The following APBA2 variants were observed in gnomAD, a reference collection of about 807,000 sequenced individuals.
APBA2 encodes the protein amyloid beta precursor protein binding family A member 2.
Under a neutral mutation model 75.0 loss-of-function variants are expected in APBA2, and 30 were observed. That is an observed-to-expected ratio of 0.40 (90% CI 0.30 to 0.54). APBA2 has a LOEUF of 0.54. Ranked by LOEUF, APBA2 falls within the 20% of genes least tolerant of loss-of-function variation. APBA2 has a pLI of 0.49. For missense variants in APBA2, 801 were observed against 1,016.1 expected (o/e 0.79, Z 2.88); for synonymous variants, 444 against 409.6 (o/e 1.08, Z -1.01).
intron 2 of APBA2, among the ~76,000 whole-genome samples, chr15:28,969,325 C>A (rs2036938619): frequency 2.6e-5 from 4 of 151,976 alleles, no homozygotes; most frequent in South Asian, 2.1e-4. Context: ...GGATTACATG[C>A]ATGCACCACC....
At chr15:29,037,909 C>T (rs980754840) in intron 3 of APBA2, among the ~76,000 whole-genome samples, 3 of 152,162 alleles carry the variant, frequency 2.0e-5, no homozygotes, top group Non-Finnish European at 4.4e-5. Flanking sequence ...CCATTCCTGA[C>T]GGCAGAGTCC....
At chr15:28,947,742 C>G (rs552361940) in intron 2 of APBA2, among the ~76,000 whole-genome samples, 2 of 152,322 alleles carry the variant, frequency 1.3e-5, no homozygotes, top group African/African-American at 4.8e-5. Flanking sequence ...CCTCTAGAGA[C>G]TCAAACCACC....
chr15:28,934,962 G>A (rs1463275153), intron 2 of APBA2, among the ~76,000 whole-genome samples: 3 of 152,210 alleles, frequency 2.0e-5, no homozygotes, highest in African/African-American at 7.2e-5. Context: ...GCGTGCTTAT[G>A]AAATGAGGGC....
At chr15:28,992,336 C>T (rs990990067) in intron 2 of APBA2, among the ~76,000 whole-genome samples, 1 of 152,152 alleles carries the variant, frequency 6.6e-6, no homozygotes, top group Non-Finnish European at 1.5e-5. Flanking sequence ...ATGTATGAAT[C>T]GTCTTCTTTA....
chr15:28,992,285 TC>T (rs1405986583), intron 2 of APBA2, among the ~76,000 whole-genome samples: 1 of 152,190 alleles, frequency 6.6e-6, no homozygotes, highest in Non-Finnish European at 1.5e-5. Context: ...TTGGACCCCC[TC>T]ACCAACTCCT....
At chr15:29,015,216 A>AGAGGC (rs1005581547) in intron 3 of APBA2, among the ~76,000 whole-genome samples, 68 of 152,312 alleles carry the variant, frequency 4.5e-4, no homozygotes, top group African/African-American at 1.6e-3. Context: ...GTTGGAGCTG[A>AGAGGC]GAGGCATGCT....
At chr15:28,943,512 T>G (rs563580083) in intron 2 of APBA2, among the ~76,000 whole-genome samples, 1 of 152,294 alleles carries the variant, frequency 6.6e-6, no homozygotes, top group South Asian at 2.1e-4. Context: ...GTTAATCCTG[T>G]TCGGTGGGTT....
chr15:29,001,196 GTTTCTT>G (rs2038825332), intron 3 of APBA2, among the ~76,000 whole-genome samples: 1 of 151,906 alleles, frequency 6.6e-6, no homozygotes, highest in Non-Finnish European at 1.5e-5. Flanking sequence ...CATAGCTCTA[GTTTCTT>G]ATTTTTATTT....
intron 1 of APBA2, 146 bp downstream of exon 1, chr15:28,886,424 G>T (rs1279250056): frequency 1.3e-5 from 2 of 151,098 alleles, no homozygotes; most frequent in Non-Finnish European, 3.0e-5. Flanking sequence ...ACTCAGCGTG[G>T]CTGCGGGGCG....
rs1322963758 is a variant in APBA2, at chr15:28,984,936, T to TCC, written c.-94-10815_-94-10814dup. Among the ~76,000 whole-genome samples, 126 of 148,810 alleles carry TCC rather than the reference T, an allele frequency of 8.5e-4. 1 individual carries two copies. The highest frequency in any genetic ancestry group is 7.5e-4 in the Non-Finnish European group (51 of 67,806). On this transcript the variant is annotated intron_variant, in intron 2 of 14. Coordinates refer to ENST00000683413, the MANE Select transcript of APBA2 (RefSeq NM_001353788.2). ...TGCTCTCTCTCTCTCTCTCTCTCTC[T>TCC]CCCTCTCTCCCCCTCCGCCAACCAC...
At chr15:28,973,952 G>A (rs1173292026) in intron 2 of APBA2, among the ~76,000 whole-genome samples, 1 of 152,138 alleles carries the variant, frequency 6.6e-6, no homozygotes, top group Non-Finnish European at 1.5e-5. Context: ...AATACACACG[G>A]TCAATATAAC....
At chr15:29,067,788 A>G (rs1022985632) in intron 4 of APBA2, among the ~76,000 whole-genome samples, 4 of 152,148 alleles carry the variant, frequency 2.6e-5, no homozygotes, top group African/African-American at 9.7e-5. Context: ...TTCTTTATAG[A>G]TCATCTGGTG....
At chr15:29,045,699 G>T (rs1360995906) in intron 3 of APBA2, among the ~76,000 whole-genome samples, 1 of 152,152 alleles carries the variant, frequency 6.6e-6, no homozygotes, top group Non-Finnish European at 1.5e-5. Flanking sequence ...ACAGATAAAA[G>T]ACTGGAAAGA....
intron 2 of APBA2, among the ~76,000 whole-genome samples, chr15:28,937,766 C>T (rs911591061): frequency 7.2e-5 from 11 of 152,044 alleles, no homozygotes; most frequent in African/African-American, 2.7e-4. Flanking sequence ...ACGCCATTCT[C>T]CTGCCTCAGC....
intron 3 of APBA2, among the ~76,000 whole-genome samples, chr15:29,036,667 T>C (rs4779708): frequency 2.0e-3 from 310 of 152,338 alleles, no homozygotes; most frequent in African/African-American, 7.0e-3. Flanking sequence ...TTACATCATC[T>C]CCTGCTGAAC....
intron 2 of APBA2, among the ~76,000 whole-genome samples, chr15:28,972,530 G>A (rs2037119900): frequency 6.6e-6 from 1 of 152,208 alleles, no homozygotes; most frequent in Non-Finnish European, 1.5e-5. Flanking sequence ...TCTGGTGTCA[G>A]ACTTATAACA....
intron 2 of APBA2, among the ~76,000 whole-genome samples, chr15:28,965,784 T>G (rs2036707252): frequency 6.6e-6 from 1 of 152,204 alleles, no homozygotes; most frequent in South Asian, 2.1e-4. Context: ...GTTATTAGTG[T>G]ATAGACATGC....
intron 2 of APBA2, among the ~76,000 whole-genome samples, chr15:28,963,017 A>G (rs1450761774): frequency 6.6e-6 from 1 of 152,160 alleles, no homozygotes; most frequent in Non-Finnish European, 1.5e-5. Context: ...TCCAGGGCTG[A>G]AAACTCTGGG....
At chr15:28,915,236 CCATATAT>C (rs2033631611) in intron 1 of APBA2, among the ~76,000 whole-genome samples, 9 of 152,200 alleles carry the variant, frequency 5.9e-5, no homozygotes, top group East Asian at 5.8e-4. Context: ...CACACATACC[CCATATAT>C]ACCACACACC....
Sources: gnomAD v4.1 joint callset for allele counts (sites outside exome capture counted in the v4.1 genomes callset) on GRCh38, gnomAD v4.1.1 for gene constraint, MANE v1.5 for transcripts, NCBI Gene and HGNC (gene_info 2026-07-23, HGNC 2026-07-21) for gene names.